Variants in DPYD observed in about 807,000 individuals in gnomAD.
The protein encoded by DPYD is dihydropyrimidine dehydrogenase [NADP(+)].
A neutral mutation model predicts 116.2 loss-of-function variants in DPYD; 109 were observed. The ratio of observed to expected loss-of-function variants is 0.94; its 90% CI spans 0.80 to 1.10. DPYD has a LOEUF of 1.10. Among genes scored for constraint, DPYD ranks in the 50% least tolerant of loss-of-function variants. The pLI is 0.00. For missense variants in DPYD, 1,302 were observed against 1,254.5 expected (o/e 1.04, Z -0.57); for synonymous variants, 440 against 432.0 (o/e 1.02, Z -0.23).
intron 3 of DPYD, among the ~76,000 whole-genome samples, chr1:97,766,369 C>A (rs1665857025): frequency 6.6e-6 from 1 of 152,060 alleles, no homozygotes; most frequent in Non-Finnish European, 1.5e-5. Flanking sequence ...GGTTTTATTG[C>A]ATGTGATAAG....
At chr1:97,173,194 A>C (rs1656870045) in intron 20 of DPYD, among the ~76,000 whole-genome samples, 1 of 147,750 alleles carries the variant, frequency 6.8e-6, no homozygotes. Context: ...ATATATGTGT[A>C]TATATGTGTA....
At chr1:97,217,389 T>C (rs1419812543) in intron 19 of DPYD, among the ~76,000 whole-genome samples, 2 of 152,192 alleles carry the variant, frequency 1.3e-5, no homozygotes, top group Admixed American at 6.5e-5. Context: ...AATGGAGAGA[T>C]AGTCTGACAG....
intron 20 of DPYD, among the ~76,000 whole-genome samples, chr1:97,172,703 C>T (rs901818840): frequency 2.6e-5 from 4 of 152,146 alleles, no homozygotes; most frequent in African/African-American, 7.2e-5. Context: ...TAAATGACAA[C>T]GACACCCAAA....
At chr1:97,286,352 A>AT (rs1553248509) in intron 18 of DPYD, among the ~76,000 whole-genome samples, 1 of 151,784 alleles carries the variant, frequency 6.6e-6, no homozygotes, top group Non-Finnish European at 1.5e-5. Flanking sequence ...TGCCCTTAAC[A>AT]TTTTTTCTTT....
In DPYD at chr1:97,573,945, C is replaced by G. The variant is rs2102184693; in HGVS notation, c.1154G>C (p.Cys385Ser). 6.2e-7 allele frequency: 1 copy of G among 1,613,580 alleles called. No individual in the cohort carries two copies. The highest frequency in any genetic ancestry group is 8.5e-7 in the Non-Finnish European group (1 of 1,179,594). Reference sequence around the variant, plus strand: ...TGGGGACAGGAATGGCAGAAATTCACACTTTTCTTCCTTAGCAAGTTCCAT... The same window carrying G: ...TGGGGACAGGAATGGCAGAAATTCAGACTTTTCTTCCTTAGCAAGTTCCAT... The part of the protein sequence containing the change: ...EEMELAKEEK[C>S]EFLPFLSPRK... Residue 385 changes from cysteine (C) to serine (S), a missense_variant, in exon 11 of 23, where the codon TGT becomes TCT. Transcript: ENST00000370192.
chr1:97,344,034 AATAC>A (rs1669717085), intron 16 of DPYD, among the ~76,000 whole-genome samples: 1 of 151,936 alleles, frequency 6.6e-6, no homozygotes, highest in African/African-American at 2.4e-5. Context: ...CAATTATATT[AATAC>A]ATAATTATTC....
chr1:97,540,972 T>C (rs1187868570), intron 12 of DPYD, among the ~76,000 whole-genome samples: 1 of 152,202 alleles, frequency 6.6e-6, no homozygotes, highest in African/African-American at 2.4e-5. Flanking sequence ...CATTGGATAT[T>C]AATTCAGTCT....
chr1:97,674,967 C>T (rs753639566), intron 8 of DPYD, among the ~76,000 whole-genome samples: 63 of 152,098 alleles, frequency 4.1e-4, no homozygotes, highest in Admixed American at 2.4e-3. Flanking sequence ...ATAGCATTGG[C>T]TATCAAACTT....
rs1005459699 is a variant in DPYD at position 97,719,165 on chromosome 1, CAAAAAAAAAA to C, written c.483+2335_483+2344del. Reference sequence around the variant, plus strand: ...ACACAAGATCCACCCCCAACCCTGCCAAAAAAAAAAAAAAAAAAAAAAAAGCAGCTGGCCT... The same window carrying C: ...ACACAAGATCCACCCCCAACCCTGCCAAAAAAAAAAAAAAGCAGCTGGCCT... On this transcript the variant is annotated intron_variant, in intron 5 of 22. Transcript: ENST00000370192. Among the ~76,000 whole-genome samples the C allele has an allele frequency of 4.4e-4, 21 of 48,218 alleles. 1 individual carries two copies. The highest frequency in any genetic ancestry group is 3.8e-3 in the Admixed American group (17 of 4,474). 31.6% of individuals were successfully genotyped at this position (48,218 alleles called of 152,430 possible).
At chr1:97,465,795 G>A (rs1323998692) in intron 13 of DPYD, among the ~76,000 whole-genome samples, 1 of 152,164 alleles carries the variant, frequency 6.6e-6, no homozygotes, top group Non-Finnish European at 1.5e-5. Context: ...GTAAAACCAA[G>A]CTGTAGCTCG....
intron 13 of DPYD, among the ~76,000 whole-genome samples, chr1:97,476,039 A>G (rs1472655151): frequency 6.6e-6 from 1 of 152,192 alleles, no homozygotes; most frequent in Admixed American, 6.5e-5. Flanking sequence ...CAAGGTAACA[A>G]AGAGTAAATA....
chr1:97,368,620 T>C (rs939214082), intron 16 of DPYD, among the ~76,000 whole-genome samples: 2 of 152,080 alleles, frequency 1.3e-5, no homozygotes, highest in Non-Finnish European at 2.9e-5. Flanking sequence ...TGATGGAAGG[T>C]CTAAGAATTA....
At chr1:97,779,372 G>A (rs946202481) in intron 3 of DPYD, among the ~76,000 whole-genome samples, 4 of 151,768 alleles carry the variant, frequency 2.6e-5, no homozygotes, top group African/African-American at 9.7e-5. Flanking sequence ...AGAAAGTACA[G>A]GGAAAATAAA....
At chr1:97,465,435 T>C (rs543111793) in intron 13 of DPYD, among the ~76,000 whole-genome samples, 1 of 152,260 alleles carries the variant, frequency 6.6e-6, no homozygotes, top group East Asian at 1.9e-4. Flanking sequence ...ATGGTTTGGC[T>C]GTGTCTCCAC....
intron 18 of DPYD, among the ~76,000 whole-genome samples, chr1:97,285,334 T>A (rs1426827675): frequency 4.6e-5 from 7 of 152,172 alleles, no homozygotes; most frequent in Non-Finnish European, 1.0e-4. Context: ...TTCTATCCTA[T>A]GGCATCAGAA....
chr1:97,224,988 ACTATCTGTCTGTCTGTCTATCTAT>A (rs1271908806), intron 19 of DPYD, among the ~76,000 whole-genome samples: 1 of 147,476 alleles, frequency 6.8e-6, no homozygotes, highest in Admixed American at 6.9e-5. Context: ...GATCTATCTA[ACTATCTGTCTGTCTGTCTATCTAT>A]CTATCTATCT....
chr1:97,177,081 T>C (rs1657332925), intron 20 of DPYD, among the ~76,000 whole-genome samples: 1 of 152,272 alleles, frequency 6.6e-6, no homozygotes, highest in East Asian at 1.9e-4. Context: ...TCTGTGTATA[T>C]CTCTATAATT....
At chr1:97,893,937 T>G (rs1230571019) in intron 1 of DPYD, among the ~76,000 whole-genome samples, 1 of 151,832 alleles carries the variant, frequency 6.6e-6, no homozygotes, top group East Asian at 1.9e-4. Flanking sequence ...AATAATAACA[T>G]CTGATATTAA....
chr1:97,867,912 C>T (rs911050576), intron 2 of DPYD, among the ~76,000 whole-genome samples: 4 of 151,538 alleles, frequency 2.6e-5, no homozygotes, highest in African/African-American at 7.3e-5. Flanking sequence ...GCATCCAAAA[C>T]GTAAAGGAAA....
Sources: gnomAD v4.1 joint callset for allele counts (sites outside exome capture counted in the v4.1 genomes callset) on GRCh38, gnomAD v4.1.1 for gene constraint, MANE v1.5 for transcripts, NCBI Gene and HGNC (gene_info 2026-07-23, HGNC 2026-07-21) for gene names.